Variants in COL5A1 observed in about 807,000 individuals in gnomAD.
The protein encoded by COL5A1 is collagen alpha-1(V) chain.
In COL5A1, 16 loss-of-function variants were observed where a neutral mutation model predicts 263.7. The observed-to-expected ratio is 0.06, with a 90% CI of 0.04 to 0.09. The LOEUF is 0.09. COL5A1 is among the 10% of genes least tolerant of loss of function. The pLI, the probability that COL5A1 is intolerant of heterozygous loss-of-function variation, is 1.00. For missense variants in COL5A1, 2,036 were observed against 2,540.5 expected (o/e 0.80, Z 4.27); for synonymous variants, 1,012 against 1,004.5 (o/e 1.01, Z -0.14).
At chr9:134,830,237 C>A in intron 64 of COL5A1, 193 bp downstream of exon 64, 1 of 1,526,534 alleles carries the variant, frequency 6.6e-7, no homozygotes, top group Non-Finnish European at 8.9e-7. Context: ...GGCTGGCTCG[C>A]GGCTCTGCAT....
At chr9:134,651,440 G>A (rs1003553735) in intron 1 of COL5A1, among the ~76,000 whole-genome samples, 1 of 152,166 alleles carries the variant, frequency 6.6e-6, no homozygotes, top group African/African-American at 2.4e-5. Flanking sequence ...CAGGGAGGCT[G>A]AGGCTGCAGT....
Position 134,801,486 on chromosome 9 carries a change from C to T in COL5A1, c.2953-468C>T, listed in dbSNP as rs371236284. On this transcript the variant is annotated intron_variant, in intron 37 of 65. Coordinates refer to ENST00000371817, the MANE Select transcript of COL5A1 (RefSeq NM_000093.5). ...CCAGTGAGATGAGCTTGTGTGGCTTCGTTACCCTCGTGAAATTAGTGCAAA... is the reference window on the plus strand; with the variant it reads ...CCAGTGAGATGAGCTTGTGTGGCTTTGTTACCCTCGTGAAATTAGTGCAAA... Among the ~76,000 whole-genome samples, 11 of 152,244 alleles carry T rather than the reference C, an allele frequency of 7.2e-5. No individual in the cohort carries two copies. In the East Asian group the frequency reaches 7.7e-4, roughly 11 times the overall value.
intron 27 of COL5A1, among the ~76,000 whole-genome samples, chr9:134,779,072 C>G (rs940598675): frequency 1.3e-5 from 2 of 152,250 alleles, no homozygotes; most frequent in Admixed American, 1.3e-4. Context: ...TTCTGACCAC[C>G]AGAGGGCAGC....
In COL5A1 at chr9:134,829,969, T is replaced by C. The variant is rs113256540; in HGVS notation, c.5068-7T>C. The C allele has an allele frequency of 2.7e-3, 4,324 of 1,612,836 alleles. 91 individuals carry two copies. In the African/African-American group the frequency reaches 0.047, roughly 17 times the overall value. ...TCTCCCTCCCCACCTCCCCGCTGCA[T>C]GTTTAGGCCAGAATCACTTCTTGGC... On this transcript the variant is annotated splice_polypyrimidine_tract_variant and splice_region_variant and intron_variant, in intron 63 of 65. Coordinates refer to ENST00000371817, the MANE Select transcript of COL5A1 (RefSeq NM_000093.5).
intron 22 of COL5A1, among the ~76,000 whole-genome samples, chr9:134,766,776 G>A (rs1165765363): frequency 3.9e-5 from 6 of 152,140 alleles, no homozygotes; most frequent in African/African-American, 7.2e-5. Flanking sequence ...TTGCATAAAC[G>A]AGTTAGTGCT....
rs767752804 is a variant in COL5A1 at position 134,731,583 on chromosome 9, G to C, written c.1252G>C (p.Asp418His). 10 of 1,613,938 alleles carry C rather than the reference G, an allele frequency of 6.2e-6. No individual in the cohort carries two copies. In the African/African-American group the frequency reaches 6.7e-5, roughly 11 times the overall value. Residue 418 changes from aspartate to histidine, a missense_variant, in exon 8 of 66, where the codon GAC (aspartate) becomes CAC (histidine). Asp to His is a moderately conservative substitution (Grantham distance 81). This residue lies in a region of COL5A1 where 600 missense variants were observed against 634.5 expected (regional missense o/e 0.95). Transcript: ENST00000371817. The part of the protein sequence containing the change: ...TIRNLDENYY[D>H]PYYDPTSSPS... Reference sequence around the variant, plus strand: ...CCGGAACCTTGACGAGAACTACTACGACCCCTACTACGACCCCACCAGCTC... The same window carrying C: ...CCGGAACCTTGACGAGAACTACTACCACCCCTACTACGACCCCACCAGCTC...
intron 22 of COL5A1, 85 bp downstream of exon 22, chr9:134,766,583 TC>T: frequency 7.2e-7 from 1 of 1,391,396 alleles, no homozygotes; most frequent in Non-Finnish European, 1.0e-6. Flanking sequence ...TCCATCGCTG[TC>T]CACATCAGCT....
intron 31 of COL5A1, 82 bp downstream of exon 31, chr9:134,786,130 T>C: frequency 7.7e-7 from 1 of 1,303,786 alleles, no homozygotes; most frequent in Non-Finnish European, 1.1e-6. Flanking sequence ...CCGGCCGTGT[T>C]AGGTGTCCCG....
intron 31 of COL5A1, among the ~76,000 whole-genome samples, chr9:134,786,617 G>T (rs1837468651): frequency 6.6e-6 from 1 of 152,136 alleles, no homozygotes; most frequent in South Asian, 2.1e-4. Context: ...GAGTATAAAA[G>T]AAAAAGGAAA....
rs1413717385 is a variant in COL5A1, at chr9:134,817,442, G to A, written c.4177-336G>A. Among the ~76,000 whole-genome samples the A allele has an allele frequency of 2.6e-5, 4 of 152,226 alleles. 1 individual carries two copies. Among genetic ancestry groups the A allele is most frequent in the African/African-American group, 9.7e-5 (4 of 41,450 alleles). ...TGAATGGTCCAGCCACTTGCTGGTG[G>A]GGCAGTAAACAGCTGCCTGGTGCAC... On this transcript the variant is annotated intron_variant, in intron 53 of 65. Coordinates refer to ENST00000371817, the MANE Select transcript of COL5A1 (RefSeq NM_000093.5).
At chr9:134,804,925 A>G in intron 39 of COL5A1, 50 bp from the exon 40 acceptor site, 1 of 1,505,646 alleles carries the variant, frequency 6.6e-7, no homozygotes, top group African/African-American at 1.4e-5. Flanking sequence ...GGCTGGTGAG[A>G]GGTCTGCGTC....
intron 4 of COL5A1, among the ~76,000 whole-genome samples, chr9:134,711,540 G>A (rs930366180): frequency 6.6e-6 from 1 of 152,108 alleles, no homozygotes; most frequent in Non-Finnish European, 1.5e-5. Flanking sequence ...GGCACTGGGG[G>A]CTGGTGCAGT....
intron 18 of COL5A1, among the ~76,000 whole-genome samples, chr9:134,761,108 A>AC (rs146686669): frequency 0.18 from 25,478 of 144,804 alleles, 3,128 homozygotes; most frequent in African/African-American, 0.35. Context: ...ACATGCACAC[A>AC]ACCCACACAT....
At chr9:134,784,939 A>AGTGG in intron 29 of COL5A1, 50 bp from the exon 30 acceptor site, 1 of 1,270,842 alleles carries the variant, frequency 7.9e-7, no homozygotes, top group Non-Finnish European at 1.1e-6. Context: ...GGTGGAGAAT[A>AGTGG]GTGTGTGTGC....
chr9:134,681,749 T>A lies in COL5A1; in HGVS notation c.110-9163T>A, dbSNP rs1313203120. On this transcript the variant is annotated intron_variant, in intron 1 of 65. Coordinates refer to ENST00000371817, the MANE Select transcript of COL5A1 (RefSeq NM_000093.5). The surrounding 1 kb of genome is among the most constrained non-coding windows in gnomAD (Gnocchi z 4.3). ...TATTTATGACTCCTGGCTCTAAAAT[T>A]AGAGTTCTAGCCCGAGAATTGTGAA... Among the ~76,000 whole-genome samples the A allele has an allele frequency of 1.3e-5, 2 of 152,190 alleles. No homozygotes were observed. Among genetic ancestry groups the A allele is most frequent in the African/African-American group, 2.4e-5 (1 of 41,446 alleles).
chr9:134,684,049 C>T lies in COL5A1; in HGVS notation c.110-6863C>T, dbSNP rs961720265. 1.1e-4 allele frequency among the ~76,000 whole-genome samples: 16 copies of T among 152,312 alleles called. No individual in the cohort carries two copies. The East Asian group carries it at 2.3e-3, about 22-fold the overall frequency. On this transcript the variant is annotated intron_variant, in intron 1 of 65. Transcript: ENST00000371817. ...CCTCCACTCTCCTTCCCGAAAGCAG[C>T]GGACTTCTGCAGCGTTTCTGTTGTT...
At chr9:134,702,307 A>G (rs1288911409) in intron 4 of COL5A1, among the ~76,000 whole-genome samples, 1 of 152,214 alleles carries the variant, frequency 6.6e-6, no homozygotes, top group African/African-American at 2.4e-5. Context: ...TCCGAGGGCC[A>G]TCCTGGCTCT....
At position 134,789,266 on chromosome 9, in the gene COL5A1, A is replaced by G. The variant is rs569713894; in HGVS notation, c.2700+58A>G. ...TGTTCGGCTGCCTCGGTGCCTAGCAAGTTGGTTCTCCAGCCGACGGCCTGT... is the reference window on the plus strand; with the variant it reads ...TGTTCGGCTGCCTCGGTGCCTAGCAGGTTGGTTCTCCAGCCGACGGCCTGT... On this transcript the variant is annotated intron_variant, in intron 32 of 65. Transcript: ENST00000371817. This position sits in a 1 kb window ranked among gnomAD's most constrained non-coding sequence, Gnocchi z 4.8. 1 of 1,453,880 alleles carries G rather than the reference A, an allele frequency of 6.9e-7. No homozygotes were observed. The highest frequency in any genetic ancestry group is 1.4e-5 in the African/African-American group (1 of 71,870). The allele number at this position is 1,453,880 out of a possible 1,614,324, so 90.1% of individuals were successfully genotyped here.
intron 18 of COL5A1, among the ~76,000 whole-genome samples, chr9:134,761,150 ACG>A (rs1258606580): frequency 1.4e-5 from 2 of 140,926 alleles, no homozygotes; most frequent in African/African-American, 5.6e-5. Context: ...CATACACGCC[ACG>A]CACACGCATA....
Sources: allele counts gnomAD v4.1 joint callset (sites outside exome capture counted in the v4.1 genomes callset), GRCh38; gene constraint gnomAD v4.1.1; regional missense constraint gnomAD v4.1.1; non-coding constraint Gnocchi (gnomAD v3.1); transcripts MANE v1.5; gene names NCBI Gene and HGNC (gene_info 2026-07-23, HGNC 2026-07-21).